The following GAS2 variants were observed in gnomAD, a reference collection of about 807,000 sequenced individuals.
GAS2 encodes growth arrest specific 2, also known as growth arrest-specific protein 2.
In GAS2, 20 loss-of-function variants were observed where a neutral mutation model predicts 37.5. The observed-to-expected ratio is 0.53, with a 90% CI of 0.37 to 0.77. GAS2 has a LOEUF of 0.77. GAS2 is among the 30% of genes least tolerant of loss of function. The probability of loss-of-function intolerance (pLI) is 0.00; values close to 1 mark genes in which losing one functional copy is unlikely to be tolerated. For missense variants in GAS2, 336 were observed against 373.4 expected (o/e 0.90, Z 0.82); for synonymous variants, 144 against 132.2 (o/e 1.09, Z -0.61).
At chr11:22,714,941 A>G (rs1044833409) in intron 3 of GAS2, among the ~76,000 whole-genome samples, 3 of 152,212 alleles carry the variant, frequency 2.0e-5, no homozygotes, top group African/African-American at 7.2e-5. Flanking sequence ...ATCTATGCTC[A>G]CACCTCAAGG....
Position 22,749,240 on chromosome 11 carries a change from A to G in GAS2, c.594A>G (p.Thr198=). 1 of 1,612,282 alleles carries G rather than the reference A, an allele frequency of 6.2e-7. No individual in the cohort carries two copies. The highest frequency in any genetic ancestry group is 8.5e-7 in the Non-Finnish European group (1 of 1,179,032). ...PSSKSSGKKS[T]GNLLDDAVKR... ...CAAAGTCTTCTGGAAAAAAGAGTAC[A>G]GGAAACTTACTGGATGATGCAGTAA... The change falls in exon 6 of 8, where the codon ACA becomes ACG. Residue 198 remains threonine, a synonymous_variant. Coordinates refer to ENST00000454584, the MANE Select transcript of GAS2 (RefSeq NM_001143830.3).
chr11:22,764,222 T>C (rs922430409), intron 7 of GAS2, among the ~76,000 whole-genome samples: 2 of 152,134 alleles, frequency 1.3e-5, no homozygotes, highest in Admixed American at 6.5e-5. Flanking sequence ...CTGTCAAGAA[T>C]TGCACCCTGA....
At chr11:22,663,023 G>T (rs556581849), upstream of GAS2, among the ~76,000 whole-genome samples, 3 of 152,238 alleles carry the variant, frequency 2.0e-5, no homozygotes, top group East Asian at 5.8e-4. Context: ...CTGCATGGCT[G>T]GGGAGGCCTC....
chr11:22,749,350 T>G, intron 6 of GAS2, 89 bp downstream of exon 6: 2 of 1,164,500 alleles, frequency 1.7e-6, no homozygotes, highest in Middle Eastern at 2.1e-4. Flanking sequence ...CAGTCTAATC[T>G]TTACCTATAT....
At chr11:22,676,107 C>A (rs1849415678) in intron 2 of GAS2, among the ~76,000 whole-genome samples, 2 of 152,036 alleles carry the variant, frequency 1.3e-5, no homozygotes, top group African/African-American at 4.8e-5. Context: ...CTAACCAAGG[C>A]TACTGAATAT....
intron 7 of GAS2, among the ~76,000 whole-genome samples, chr11:22,785,774 T>C (rs960621098): frequency 1.3e-5 from 2 of 152,164 alleles, no homozygotes; most frequent in African/African-American, 4.8e-5. Flanking sequence ...TGTCGCTCTC[T>C]TCAGGATTAT....
intron 1 of GAS2, among the ~76,000 whole-genome samples, chr11:22,642,403 T>G (rs1848640721): frequency 6.6e-6 from 1 of 152,168 alleles, no homozygotes; most frequent in Non-Finnish European, 1.5e-5. Context: ...CCTCTGGAAA[T>G]GAATTAGTAT....
rs565892421 is a variant in GAS2, at chr11:22,671,508, T to G, written c.-20-3342T>G. On this transcript the variant is annotated intron_variant, in intron 1 of 7. Coordinates refer to ENST00000454584, the MANE Select transcript of GAS2 (RefSeq NM_001143830.3). ...TGTTTAGGCACATTATACAAAAAAG[T>G]TTTTCTTTCTCCCTAACCTACTGCT... is the stretch of plus-strand genomic sequence containing the variant. Among the ~76,000 whole-genome samples, 16 of 152,214 alleles carry G rather than the reference T, an allele frequency of 1.1e-4. No homozygotes were observed. In the South Asian group the frequency reaches 2.5e-3, roughly 24 times the overall value.
chr11:22,775,413 C>T (rs1277260968), intron 7 of GAS2, among the ~76,000 whole-genome samples: 6 of 151,946 alleles, frequency 3.9e-5, no homozygotes, highest in East Asian at 1.9e-4. Context: ...ATTGAAACAC[C>T]GTTAAGTTTA....
intron 1 of GAS2, among the ~76,000 whole-genome samples, chr11:22,628,225 G>A (rs560726840): frequency 1.3e-5 from 2 of 152,152 alleles, no homozygotes; most frequent in Non-Finnish European, 2.9e-5. Context: ...ATAATGCAAA[G>A]CAGATTTTAT....
intron 1 of GAS2, 87 bp from the exon 2 acceptor site, chr11:22,674,763 G>C (rs574973163): frequency 9.0e-6 from 9 of 994,838 alleles, no homozygotes; most frequent in Non-Finnish European, 1.0e-5. Context: ...GAAAACCCGC[G>C]GATCCAGTTC....
intron 7 of GAS2, among the ~76,000 whole-genome samples, chr11:22,789,986 T>A (rs1386343053): frequency 2.0e-5 from 3 of 152,178 alleles, no homozygotes; most frequent in Non-Finnish European, 4.4e-5. Context: ...CTGGAAGTCA[T>A]TAGAAAGAGA....
intron 5 of GAS2, among the ~76,000 whole-genome samples, chr11:22,745,356 T>A (rs1040042936): frequency 3.9e-5 from 6 of 152,042 alleles, no homozygotes; most frequent in Non-Finnish European, 7.4e-5. Flanking sequence ...AAATAAGCAA[T>A]GGAGAAAGGA....
chr11:22,737,557 T>G, intron 4 of GAS2, 148 bp from the exon 5 acceptor site: 8 of 687,652 alleles, frequency 1.2e-5, no homozygotes, highest in East Asian at 2.5e-5. Context: ...CTAGATGTAT[T>G]GAGGTATGGG....
At chr11:22,795,010 GA>G (rs1856358518) in intron 7 of GAS2, among the ~76,000 whole-genome samples, 1 of 151,966 alleles carries the variant, frequency 6.6e-6, no homozygotes, top group East Asian at 1.9e-4. Flanking sequence ...CATCTATTAT[GA>G]AACAAAAAGG....
upstream of GAS2, among the ~76,000 whole-genome samples, chr11:22,663,184 G>A (rs1395675569): frequency 6.6e-6 from 1 of 152,016 alleles, no homozygotes; most frequent in East Asian, 1.9e-4. Flanking sequence ...AACAGCATGC[G>A]GGAAACGGAC....
intron 7 of GAS2, among the ~76,000 whole-genome samples, chr11:22,782,863 T>G (rs1855631114): frequency 6.6e-6 from 1 of 151,648 alleles, no homozygotes; most frequent in South Asian, 2.1e-4. Flanking sequence ...GCCACCTAGG[T>G]TGATTCCACG....
chr11:22,677,665 T>A (rs1849491260), intron 2 of GAS2, among the ~76,000 whole-genome samples: 1 of 152,102 alleles, frequency 6.6e-6, no homozygotes, highest in Non-Finnish European at 1.5e-5. Context: ...AGAGAGTCAG[T>A]GTGTGTAATG....
chr11:22,662,474 A>G (rs186174287), upstream of GAS2, among the ~76,000 whole-genome samples: 42 of 152,348 alleles, frequency 2.8e-4, no homozygotes, highest in Non-Finnish European at 5.6e-4. Flanking sequence ...AGTGTCTACT[A>G]TATGTCTAAT....
Sources: allele counts gnomAD v4.1 joint callset (sites outside exome capture counted in the v4.1 genomes callset), GRCh38; gene constraint gnomAD v4.1.1; transcripts MANE v1.5; gene names NCBI Gene and HGNC (gene_info 2026-07-23, HGNC 2026-07-21).